Variants in MAF observed in about 807,000 individuals in gnomAD.
The protein encoded by MAF is transcription factor Maf.
Under a neutral mutation model 22.0 loss-of-function variants are expected in MAF, and 10 were observed. The observed-to-expected ratio is 0.45, with a 90% confidence interval of 0.28 to 0.77. The LOEUF (loss-of-function observed/expected upper bound fraction) is 0.77, where lower values mean the gene tolerates loss of function less well. Among genes scored for constraint, MAF ranks in the 30% least tolerant of loss-of-function variants. The probability of loss-of-function intolerance (pLI) is 0.12; values close to 1 mark genes in which losing one functional copy is unlikely to be tolerated. For synonymous variants in MAF, 337 were observed against 255.8 expected, an observed-to-expected ratio of 1.32 and a Z score of -3.03; for missense variants, 544 against 548.4, an observed-to-expected ratio of 0.99 and a Z score of 0.08.
the MAF span, among the ~76,000 whole-genome samples, chr16:79,343,808 G>GTT: frequency 3.9e-5 from 6 of 152,222 alleles, no homozygotes; most frequent in African/African-American, 9.6e-5. Context: ...TTTCTAAATG[G>GTT]TTTATTGACT....
chr16:79,585,419 A>G (rs888884872), downstream of MAF, among the ~76,000 whole-genome samples: 1 of 152,174 alleles, frequency 6.6e-6, no homozygotes, highest in African/African-American at 2.4e-5. Flanking sequence ...ATTATAAGTG[A>G]CTGTAAATTT....
At chr16:79,383,183 T>A in the MAF span, among the ~76,000 whole-genome samples, 1 of 152,002 alleles carries the variant, frequency 6.6e-6, no homozygotes, top group Non-Finnish European at 1.5e-5. Flanking sequence ...ATGCTCAGAC[T>A]GGAAGGGGTA....
At chr16:79,491,007 T>A in the MAF span, among the ~76,000 whole-genome samples, 1 of 152,008 alleles carries the variant, frequency 6.6e-6, no homozygotes, top group African/African-American at 2.4e-5. Flanking sequence ...ACGTTGAGAA[T>A]CAGAGAAAAT....
chr16:79,453,895 C>A, the MAF span, among the ~76,000 whole-genome samples: 7 of 152,118 alleles, frequency 4.6e-5, no homozygotes, highest in Non-Finnish European at 8.8e-5. Context: ...ATTAAACACA[C>A]TGAATCCAGA....
the MAF span, among the ~76,000 whole-genome samples, chr16:79,247,052 T>C: frequency 6.6e-6 from 1 of 152,094 alleles, no homozygotes; most frequent in Non-Finnish European, 1.5e-5. Flanking sequence ...TAAATCACAG[T>C]GCTGTGATAG....
the MAF span, among the ~76,000 whole-genome samples, chr16:79,214,358 G>A: frequency 6.6e-6 from 1 of 152,124 alleles, no homozygotes; most frequent in Non-Finnish European, 1.5e-5. Flanking sequence ...TGGGTGACTA[G>A]GCTTTATGTT....
chr16:79,290,807 A>G, the MAF span, among the ~76,000 whole-genome samples: 8 of 152,064 alleles, frequency 5.3e-5, no homozygotes, highest in Non-Finnish European at 1.0e-4. Flanking sequence ...TTGACCTTGA[A>G]TCAACTGCAT....
the MAF span, among the ~76,000 whole-genome samples, chr16:79,428,043 G>C: frequency 7.0e-6 from 1 of 143,466 alleles, no homozygotes; most frequent in South Asian, 2.3e-4. Flanking sequence ...AGTGAGCCGA[G>C]ATCGCGCCAC....
At chr16:79,208,381 CAA>C in the MAF span, among the ~76,000 whole-genome samples, 13 of 149,154 alleles carry the variant, frequency 8.7e-5, no homozygotes, top group Non-Finnish European at 1.5e-4. Flanking sequence ...GATTGATTCT[CAA>C]AAAAAAAAAA....
chr16:79,382,203 A>G, the MAF span, among the ~76,000 whole-genome samples: 2 of 152,338 alleles, frequency 1.3e-5, no homozygotes, highest in African/African-American at 4.8e-5. Flanking sequence ...ACACAACTCA[A>G]TCATTTTTCT....
the MAF span, among the ~76,000 whole-genome samples, chr16:79,379,577 G>C: frequency 0.012 from 1,828 of 152,160 alleles, 34 homozygotes; most frequent in African/African-American, 0.041. Context: ...CTCAAGTCAG[G>C]TAATTCTATA....
At chr16:79,440,935 C>A in the MAF span, among the ~76,000 whole-genome samples, 1 of 152,192 alleles carries the variant, frequency 6.6e-6, no homozygotes, top group Non-Finnish European at 1.5e-5. Context: ...TCCTCTGTAG[C>A]TTTTGGTAAA....
At chr16:79,366,463 T>C in the MAF span, among the ~76,000 whole-genome samples, 1 of 152,216 alleles carries the variant, frequency 6.6e-6, no homozygotes, top group Non-Finnish European at 1.5e-5. Context: ...AATAAGTTAA[T>C]AATTAGAATA....
chr16:79,309,882 T>C, the MAF span, among the ~76,000 whole-genome samples: 1 of 152,072 alleles, frequency 6.6e-6, no homozygotes, highest in Non-Finnish European at 1.5e-5. Flanking sequence ...AAAATGGAAA[T>C]AAAAAATCTC....
the MAF span, among the ~76,000 whole-genome samples, chr16:79,397,843 C>T: frequency 6.6e-6 from 1 of 152,180 alleles, no homozygotes; most frequent in Non-Finnish European, 1.5e-5. Context: ...TCTGGCCATG[C>T]CCCAGCCAGG....
the MAF span, among the ~76,000 whole-genome samples, chr16:79,461,084 A>G: frequency 3.5e-4 from 53 of 152,332 alleles, 1 homozygote; most frequent in South Asian, 0.011. Flanking sequence ...TGTTGTCTAT[A>G]AAGTAGGCAT....
chr16:79,502,708 A>AAT, the MAF span, among the ~76,000 whole-genome samples: 119 of 33,946 alleles, frequency 3.5e-3, no homozygotes, highest in African/African-American at 5.3e-3. Context: ...TATAAATATA[A>AAT]ATATATATAT....
At chr16:79,542,460 G>C in the MAF span, among the ~76,000 whole-genome samples, 1 of 152,106 alleles carries the variant, frequency 6.6e-6, no homozygotes, top group South Asian at 2.1e-4. Flanking sequence ...TGGCCCCAGG[G>C]ACATGGCCTA....
the MAF span, among the ~76,000 whole-genome samples, chr16:79,279,398 C>T: frequency 1.3e-4 from 20 of 152,258 alleles, no homozygotes; most frequent in African/African-American, 4.1e-4. Flanking sequence ...TTAAGGGACA[C>T]GTAAAGGTTA....
Sources: gnomAD v4.1 joint callset for allele counts (sites outside exome capture counted in the v4.1 genomes callset) on GRCh38, gnomAD v4.1.1 for gene constraint, MANE v1.5 for transcripts, NCBI Gene and HGNC (gene_info 2026-07-23, HGNC 2026-07-21) for gene names.